Variants in SFMBT1 observed in about 807,000 individuals in gnomAD.
The protein encoded by SFMBT1 is Scm like with four mbt domains 1.
In SFMBT1, 32 loss-of-function variants were observed where a neutral mutation model predicts 108.7. That is an observed-to-expected ratio of 0.29 (90% CI 0.22 to 0.40). The LOEUF (loss-of-function observed/expected upper bound fraction) is 0.40. SFMBT1 is among the 10% of genes least tolerant of loss of function. The pLI, the probability that SFMBT1 is intolerant of heterozygous loss-of-function variation, is 1.00. For missense variants in SFMBT1, 816 were observed against 1,059.6 expected (o/e 0.77, Z 3.19); for synonymous variants, 348 against 369.5 (o/e 0.94, Z 0.67).
At chr3:53,042,506 A>AT (rs1179917715) in intron 1 of SFMBT1, among the ~76,000 whole-genome samples, 1 of 151,970 alleles carries the variant, frequency 6.6e-6, no homozygotes, top group Non-Finnish European at 1.5e-5. Flanking sequence ...CGCCTGGCTA[A>AT]TTTTTTTATT....
chr3:53,014,418 C>G (rs947768721), intron 1 of SFMBT1, among the ~76,000 whole-genome samples: 4 of 151,716 alleles, frequency 2.6e-5, no homozygotes, highest in African/African-American at 7.3e-5. Flanking sequence ...TACAGTGAGC[C>G]GTGATCACAC....
At chr3:52,943,234 A>C (rs1703243848) in intron 4 of SFMBT1, 119 bp downstream of exon 4, 1 of 1,183,070 alleles carries the variant, frequency 8.5e-7, no homozygotes, top group African/African-American at 1.5e-5. Context: ...TCAAAATGCT[A>C]ACCTAGAAAA....
chr3:53,004,129 C>T (rs1178054724), intron 1 of SFMBT1, among the ~76,000 whole-genome samples: 1 of 149,758 alleles, frequency 6.7e-6, no homozygotes, highest in Non-Finnish European at 1.5e-5. Flanking sequence ...CATATTTCCT[C>T]GTTTCATGTT....
At position 53,026,803 on chromosome 3, in the gene SFMBT1, T is replaced by C. The variant is rs548284056; in HGVS notation, c.-131+19013A>G. On this transcript the variant is annotated intron_variant, in intron 1 of 20. Coordinates refer to ENST00000394752, the MANE Select transcript of SFMBT1 (RefSeq NM_016329.4). ...AGATAAAGGTTTGAGAAGGGATTTT[T>C]TTTCTTCCTTTAGAGACAGGGTTTT... 4.9e-4 allele frequency among the ~76,000 whole-genome samples: 75 copies of C among 152,300 alleles called. 2 individuals are homozygous for C. The South Asian group carries it at 0.015, about 31-fold the overall frequency.
At chr3:52,963,419 A>G (rs1040092871) in intron 2 of SFMBT1, among the ~76,000 whole-genome samples, 1 of 152,146 alleles carries the variant, frequency 6.6e-6, no homozygotes, top group African/African-American at 2.4e-5. Context: ...GAAAACCACA[A>G]GAAAACAGGA....
intron 8 of SFMBT1, among the ~76,000 whole-genome samples, chr3:52,929,657 T>C (rs1429460244): frequency 6.6e-6 from 1 of 152,202 alleles, no homozygotes; most frequent in Non-Finnish European, 1.5e-5. Flanking sequence ...AGAATAATCT[T>C]CTTCCAAGAC....
At chr3:52,943,136 G>A (rs1488551343) in intron 4 of SFMBT1, among the ~76,000 whole-genome samples, 2 of 152,180 alleles carry the variant, frequency 1.3e-5, no homozygotes, top group East Asian at 3.8e-4. Context: ...TTCCCTATGA[G>A]CATCATAAAA....
intron 1 of SFMBT1, among the ~76,000 whole-genome samples, chr3:53,001,549 T>G (rs1355357030): frequency 6.7e-6 from 1 of 149,858 alleles, no homozygotes; most frequent in African/African-American, 2.4e-5. Context: ...AGCTCACATT[T>G]ACTGTGCTCC....
chr3:53,002,494 TATA>T (rs1015048725), intron 1 of SFMBT1, among the ~76,000 whole-genome samples: 4 of 150,210 alleles, frequency 2.7e-5, no homozygotes, highest in African/African-American at 9.7e-5. Context: ...TATTTCAAAT[TATA>T]ATAACTTCAG....
In SFMBT1 at chr3:52,913,620, G is replaced by A. The variant is rs1702267255; in HGVS notation, c.1481-3C>T. The A allele has an allele frequency of 6.2e-7, 1 of 1,612,240 alleles. No individual in the cohort carries two copies. The highest frequency in any genetic ancestry group is 8.5e-7 in the Non-Finnish European group (1 of 1,179,404). On this transcript the variant is annotated splice_polypyrimidine_tract_variant and splice_region_variant and intron_variant, in intron 14 of 20. Transcript: ENST00000394752. ...GCAATATTTTCCATTAATCATAACT[G>A]GGAAATGAAGAAAAACAAATATTCA...
intron 1 of SFMBT1, among the ~76,000 whole-genome samples, chr3:53,027,611 T>C (rs77526543): frequency 6.6e-6 from 1 of 152,206 alleles, no homozygotes; most frequent in African/African-American, 2.4e-5. Context: ...AGTGATTCAG[T>C]GCCTACCATC....
Position 52,932,093 on chromosome 3 carries a change from A to T in SFMBT1, c.669T>A (p.Ala223=). The stretch of plus-strand genomic sequence containing the variant: ...GGGGCTGAAGCTCATATCCCTGTTG[A>T]GCAGCCCAACCAACGTGATGAAGAA... ...DPFLHHVGWA[A]QQGYELQPPS... is the part of the protein sequence containing the mutation. The change falls in exon 6 of 21, where the codon GCT becomes GCA. Residue 223 remains alanine (A), a synonymous_variant. Coordinates refer to ENST00000394752, the MANE Select transcript of SFMBT1 (RefSeq NM_016329.4). 2 of 1,614,114 alleles carry T rather than the reference A, an allele frequency of 1.2e-6. No individual in the cohort carries two copies. The highest frequency in any genetic ancestry group is 1.7e-6 in the Non-Finnish European group (2 of 1,180,032).
rs995308185 is a variant in SFMBT1, at chr3:52,998,286, G to A, written c.-130-29028C>T. ...GGGCGCCTGTAGTCCCAGCTACTCCGGAGGCTGAGGCAGGAGAATGGCATG... is the reference window on the plus strand; with the variant it reads ...GGGCGCCTGTAGTCCCAGCTACTCCAGAGGCTGAGGCAGGAGAATGGCATG... On this transcript the variant is annotated intron_variant, in intron 1 of 20. Transcript: ENST00000394752. Among the ~76,000 whole-genome samples the A allele has an allele frequency of 4.3e-4, 64 of 150,098 alleles. 5 individuals are homozygous for A. The highest frequency in any genetic ancestry group is 1.1e-3 in the Admixed American group (17 of 14,892).
intron 1 of SFMBT1, among the ~76,000 whole-genome samples, chr3:53,005,270 A>G (rs932795540): frequency 6.6e-6 from 1 of 152,220 alleles, no homozygotes; most frequent in Non-Finnish European, 1.5e-5. Context: ...GGCTGTACGC[A>G]TGATGGGAGT....
At chr3:53,040,801 T>G (rs995132960) in intron 1 of SFMBT1, among the ~76,000 whole-genome samples, 10 of 147,084 alleles carry the variant, frequency 6.8e-5, no homozygotes, top group Non-Finnish European at 1.1e-4. Context: ...TACAGACTAC[T>G]TTTTTTTTTG....
At chr3:53,044,212 T>C (rs977112328) in intron 1 of SFMBT1, among the ~76,000 whole-genome samples, 12 of 152,336 alleles carry the variant, frequency 7.9e-5, no homozygotes, top group South Asian at 2.1e-4. Context: ...CGAGCACTTT[T>C]ATGTAGTACC....
chr3:52,966,210 G>A (rs1419218773), intron 2 of SFMBT1, among the ~76,000 whole-genome samples: 3 of 149,256 alleles, frequency 2.0e-5, no homozygotes, highest in Non-Finnish European at 3.0e-5. Context: ...CCAGCTACTC[G>A]GGAGGCTGAG....
intron 1 of SFMBT1, among the ~76,000 whole-genome samples, chr3:53,020,153 C>A (rs1006083801): frequency 6.6e-6 from 1 of 151,876 alleles, no homozygotes; most frequent in African/African-American, 2.4e-5. Flanking sequence ...CTTTGGGAGG[C>A]CGAGGCAGGC....
At chr3:53,006,786 A>G (rs1364671371) in intron 1 of SFMBT1, among the ~76,000 whole-genome samples, 1 of 152,206 alleles carries the variant, frequency 6.6e-6, no homozygotes, top group Non-Finnish European at 1.5e-5. Flanking sequence ...TCATTTATGT[A>G]AGCTTCCACA....
Sources: gnomAD v4.1 joint callset for allele counts (sites outside exome capture counted in the v4.1 genomes callset) on GRCh38, gnomAD v4.1.1 for gene constraint, MANE v1.5 for transcripts, NCBI Gene and HGNC (gene_info 2026-07-23, HGNC 2026-07-21) for gene names.